PTPRN2: variants seen among roughly 807,000 people sequenced by gnomAD.
PTPRN2 encodes receptor-type tyrosine-protein phosphatase N2.
Under a neutral mutation model 118.8 loss-of-function variants are expected in PTPRN2, and 74 were observed. The ratio of observed to expected loss-of-function variants is 0.62; its 90% confidence interval spans 0.52 to 0.76. The LOEUF is 0.76. Ranked by LOEUF, PTPRN2 falls within the 30% of genes least tolerant of loss-of-function variation. The probability of loss-of-function intolerance (pLI) is 0.00; values close to 1 mark genes in which losing one functional copy is unlikely to be tolerated. For synonymous variants in PTPRN2, 641 were observed against 608.0 expected (o/e 1.05, Z -0.80); for missense variants, 1,481 against 1,394.4 (o/e 1.06, Z -0.99).
At chr7:158,074,613 C>T (rs10268811) in intron 11 of PTPRN2, among the ~76,000 whole-genome samples, 32,971 of 152,070 alleles carry the variant, frequency 0.22, 3,824 homozygotes, top group South Asian at 0.37. Flanking sequence ...GTAGACGTGC[C>T]GACGTGGCTC....
intron 2 of PTPRN2, among the ~76,000 whole-genome samples, chr7:158,341,547 T>C (rs62493636): frequency 0.55 from 10,112 of 18,514 alleles, 2,317 homozygotes; most frequent in Non-Finnish European, 0.59. Flanking sequence ...AGGTGACATC[T>C]GCAGACGTCA....
chr7:158,114,687 G>A (rs1035887520), intron 9 of PTPRN2, among the ~76,000 whole-genome samples: 6 of 152,180 alleles, frequency 3.9e-5, no homozygotes, highest in African/African-American at 1.4e-4. Context: ...AAACCCCAGG[G>A]AAAAGAGAAG....
chr7:157,995,533 A>G (rs1290564484), intron 11 of PTPRN2, among the ~76,000 whole-genome samples: 1 of 152,234 alleles, frequency 6.6e-6, no homozygotes, highest in Non-Finnish European at 1.5e-5. Context: ...TGTTAAACAC[A>G]CCCCAAGGTT....
intron 2 of PTPRN2, among the ~76,000 whole-genome samples, chr7:158,359,342 AACTT>A (rs1808653572): frequency 6.6e-6 from 1 of 152,204 alleles, no homozygotes; most frequent in Non-Finnish European, 1.5e-5. Context: ...TTTTTCAAGA[AACTT>A]AATTTGGTAT....
At chr7:158,390,365 T>A (rs1811831209) in intron 2 of PTPRN2, among the ~76,000 whole-genome samples, 1 of 152,170 alleles carries the variant, frequency 6.6e-6, no homozygotes, top group Admixed American at 6.5e-5. Context: ...CCGAACCAAT[T>A]TGCTTCATGG....
intron 6 of PTPRN2, among the ~76,000 whole-genome samples, chr7:158,149,146 C>G (rs540958754): frequency 2.6e-5 from 4 of 151,320 alleles, no homozygotes; most frequent in East Asian, 1.9e-4. Flanking sequence ...CGCCACGTGT[C>G]TTTCCCCCTC....
rs35071475 is a variant in PTPRN2, at chr7:157,583,883, A to AAC, written c.2497-5745_2497-5744dup. ...GGTGACAGAGCGAGACTCTGTCTCA[A>AAC]ACACACACACACACACACACACACA... On this transcript the variant is annotated intron_variant, in intron 17 of 22. Coordinates refer to ENST00000389418, the MANE Select transcript of PTPRN2 (RefSeq NM_002847.5). This position sits in a 1 kb window ranked among gnomAD's most constrained non-coding sequence, Gnocchi z 5.5. 0.075 allele frequency among the ~76,000 whole-genome samples: 10,080 copies of AAC among 134,056 alleles called. 366 individuals are homozygous for AAC. Among genetic ancestry groups the AAC allele is most frequent in the East Asian group, 0.13 (548 of 4,244 alleles). The allele number at this position is 134,056 out of a possible 152,430, so 87.9% of individuals were successfully genotyped here.
intron 12 of PTPRN2, among the ~76,000 whole-genome samples, chr7:157,700,809 C>T (rs776949205): frequency 1.2e-4 from 18 of 152,186 alleles, no homozygotes; most frequent in Admixed American, 6.5e-4. Flanking sequence ...GGTCAGCGGC[C>T]GCGAGGGCAC....
chr7:158,284,555 G>A (rs758700123), intron 3 of PTPRN2, among the ~76,000 whole-genome samples: 2 of 152,294 alleles, frequency 1.3e-5, no homozygotes, highest in South Asian at 2.1e-4. Context: ...ACTGTCGGTG[G>A]TTTTGACAGA....
intron 12 of PTPRN2, among the ~76,000 whole-genome samples, chr7:157,737,446 C>G (rs1800367134): frequency 6.6e-6 from 1 of 152,270 alleles, no homozygotes; most frequent in Non-Finnish European, 1.5e-5. Flanking sequence ...GAGCATGGTG[C>G]TCTCTGGCCG....
intron 12 of PTPRN2, among the ~76,000 whole-genome samples, chr7:157,742,664 G>T (rs1343091352): frequency 6.6e-6 from 1 of 152,152 alleles, no homozygotes; most frequent in Admixed American, 6.5e-5. Flanking sequence ...CGCCTGAGCA[G>T]CACCAACTCC....
At chr7:157,677,069 C>T (rs759453735) in intron 13 of PTPRN2, among the ~76,000 whole-genome samples, 8 of 152,112 alleles carry the variant, frequency 5.3e-5, no homozygotes, top group Non-Finnish European at 1.2e-4. Context: ...AGGGTGAGCA[C>T]GTCTGGAAGA....
At chr7:158,327,459 A>C (rs1440163200) in intron 2 of PTPRN2, among the ~76,000 whole-genome samples, 1 of 145,184 alleles carries the variant, frequency 6.9e-6, no homozygotes, top group Non-Finnish European at 1.5e-5. Flanking sequence ...ACCTGCTCAC[A>C]CATGTACACG....
chr7:157,543,712 G>A (rs546087255), intron 22 of PTPRN2, among the ~76,000 whole-genome samples: 4 of 152,234 alleles, frequency 2.6e-5, no homozygotes, highest in Non-Finnish European at 5.9e-5. Flanking sequence ...CTCAGTGATC[G>A]TGTCTCTGAG....
At chr7:158,364,657 G>C (rs753366569) in intron 2 of PTPRN2, among the ~76,000 whole-genome samples, 8 of 150,714 alleles carry the variant, frequency 5.3e-5, no homozygotes, top group Non-Finnish European at 1.0e-4. Context: ...ATAATTCTCC[G>C]TCCCAGCCCC....
intron 21 of PTPRN2, among the ~76,000 whole-genome samples, chr7:157,562,876 C>CGCA (rs1799269948): frequency 8.1e-6 from 1 of 123,732 alleles, no homozygotes; most frequent in Non-Finnish European, 1.7e-5. Flanking sequence ...TGTCACCACA[C>CGCA]GCAGATCAGG....
At position 157,603,186 on chromosome 7, in the gene PTPRN2, A is replaced by G. The variant is rs1414607017; in HGVS notation, c.2418+816T>C. Among the ~76,000 whole-genome samples the G allele has an allele frequency of 7.1e-6, 1 of 140,686 alleles. No homozygotes were observed. The highest frequency in any genetic ancestry group is 7.3e-5 in the Admixed American group (1 of 13,786). The allele number at this position is 140,686 out of a possible 152,430, so 92.3% of individuals were successfully genotyped here. A position where few individuals can be genotyped will look rare whatever the true frequency, so the allele number is the denominator to read the frequency against. ...ACCATCACTGCTCATCTGAACACCC[A>G]GTCCGAGTGTCCCCAGCCTGTGGCT... On this transcript the variant is annotated intron_variant, in intron 16 of 22. Transcript: ENST00000389418. This position sits in a 1 kb window ranked among gnomAD's most constrained non-coding sequence, Gnocchi z 5.4.
intron 3 of PTPRN2, among the ~76,000 whole-genome samples, chr7:158,250,665 G>T (rs936824705): frequency 6.6e-6 from 1 of 152,098 alleles, no homozygotes; most frequent in South Asian, 2.1e-4. Context: ...TCAAACCCCC[G>T]AATTGTTGTG....
chr7:158,060,125 T>C (rs1375999433), intron 11 of PTPRN2, among the ~76,000 whole-genome samples: 1 of 107,286 alleles, frequency 9.3e-6, no homozygotes, highest in Non-Finnish European at 1.8e-5. Context: ...ACACTCCATC[T>C]GCACACGGTG....
Sources: allele counts gnomAD v4.1 joint callset (sites outside exome capture counted in the v4.1 genomes callset), GRCh38; gene constraint gnomAD v4.1.1; non-coding constraint Gnocchi (gnomAD v3.1); transcripts MANE v1.5; gene names NCBI Gene and HGNC (gene_info 2026-07-23, HGNC 2026-07-21).